IL1RAPL1: variants seen among roughly 807,000 people sequenced by gnomAD.
IL1RAPL1 encodes the protein interleukin-1 receptor accessory protein-like 1.
IL1RAPL1 carries 3 observed loss-of-function variants against 48.4 expected under a neutral mutation model. The ratio of observed to expected loss-of-function variants is 0.06; its 90% confidence interval spans 0.03 to 0.16. The LOEUF (loss-of-function observed/expected upper bound fraction) is 0.16. IL1RAPL1 is among the 10% of genes least tolerant of loss of function. IL1RAPL1 has a pLI of 1.00. For synonymous variants in IL1RAPL1, 185 were observed against 187.7 expected (o/e 0.99, Z 0.12); for missense variants, 349 against 530.6 (o/e 0.66, Z 3.36).
intron 5 of IL1RAPL1, among the ~76,000 whole-genome samples, chrX:29,562,078 ATCTAATCTATCTG>A (rs1341864298): frequency 1.1e-4 from 9 of 83,183 alleles, no homozygotes; most frequent in African/African-American, 4.5e-4. Flanking sequence ...CTATCTATCT[ATCTAATCTATCTG>A]TCTATCTATC....
chrX:29,162,912 A>G (rs1417327363), intron 2 of IL1RAPL1, among the ~76,000 whole-genome samples: 1 of 108,784 alleles, frequency 9.2e-6, no homozygotes, highest in Admixed American at 9.9e-5. Context: ...TATCTACTAA[A>G]AATACAAAAA....
At chrX:28,619,393 A>G (rs1178704571) in intron 1 of IL1RAPL1, among the ~76,000 whole-genome samples, 5 of 109,654 alleles carry the variant, frequency 4.6e-5, no homozygotes, top group African/African-American at 1.7e-4. Flanking sequence ...CCAGGAGTTC[A>G]AGACCAGCCT....
At chrX:29,066,137 C>A (rs1473948698) in intron 2 of IL1RAPL1, among the ~76,000 whole-genome samples, 1 of 111,895 alleles carries the variant, frequency 8.9e-6, no homozygotes. Context: ...ATTTTAGATA[C>A]TTTATTATAG....
intron 1 of IL1RAPL1, among the ~76,000 whole-genome samples, chrX:28,755,956 A>G (rs1288193514): frequency 9.0e-6 from 1 of 111,718 alleles, no homozygotes; most frequent in Non-Finnish European, 1.9e-5. Flanking sequence ...CTCCTACCCT[A>G]AGAACCACTG....
At chrX:28,883,113 A>G (rs6630788) in intron 2 of IL1RAPL1, among the ~76,000 whole-genome samples, 18,661 of 110,906 alleles carry the variant, frequency 0.17, 1,317 homozygotes, top group East Asian at 0.45. Flanking sequence ...TAAAATACCT[A>G]TAGAAAATAA....
At chrX:28,634,350 T>TAA (rs1181124674) in intron 1 of IL1RAPL1, among the ~76,000 whole-genome samples, 9 of 109,072 alleles carry the variant, frequency 8.3e-5, no homozygotes, top group South Asian at 3.8e-4. Flanking sequence ...TGTGTGTATA[T>TAA]GTATATATGT....
intron 3 of IL1RAPL1, among the ~76,000 whole-genome samples, chrX:29,330,153 G>A (rs1460720572): frequency 9.0e-6 from 1 of 111,630 alleles, no homozygotes; most frequent in Admixed American, 9.5e-5. Context: ...ACTTTAAATG[G>A]ATGAATGATA....
At chrX:29,433,753 ATTGAG>A (rs1347470192) in intron 5 of IL1RAPL1, among the ~76,000 whole-genome samples, 25 of 111,353 alleles carry the variant, frequency 2.2e-4, no homozygotes, top group African/African-American at 7.8e-4. Context: ...TAACTAATTC[ATTGAG>A]TTTTTAAGTA....
chrX:29,375,248 G>A (rs1368902870), intron 3 of IL1RAPL1, among the ~76,000 whole-genome samples: 1 of 96,849 alleles, frequency 1.0e-5, no homozygotes, highest in East Asian at 3.2e-4. Context: ...TGCAACCTCC[G>A]CCTCCCAGGT....
chrX:29,906,804 G>T (rs1280173068), intron 6 of IL1RAPL1, among the ~76,000 whole-genome samples: 1 of 109,468 alleles, frequency 9.1e-6, no homozygotes, highest in Non-Finnish European at 1.9e-5. Context: ...TCACCTGAGG[G>T]TGCTTGTTAA....
intron 1 of IL1RAPL1, among the ~76,000 whole-genome samples, chrX:28,772,134 A>T (rs904281582): frequency 1.8e-5 from 2 of 110,422 alleles, no homozygotes; most frequent in East Asian, 5.7e-4. Flanking sequence ...TAGATGAAAA[A>T]GAGAGGGATG....
intron 2 of IL1RAPL1, among the ~76,000 whole-genome samples, chrX:29,052,220 G>A (rs1927108936): frequency 9.0e-6 from 1 of 111,549 alleles, no homozygotes; most frequent in Non-Finnish European, 1.9e-5. Flanking sequence ...TTTTCTTGCA[G>A]TCTTCACTGT....
chrX:29,085,495 T>C (rs1036462586), intron 2 of IL1RAPL1, among the ~76,000 whole-genome samples: 6 of 111,978 alleles, frequency 5.4e-5, no homozygotes, highest in African/African-American at 1.9e-4. Context: ...ATGCTATTAT[T>C]GGTCCCATTT....
intron 1 of IL1RAPL1, among the ~76,000 whole-genome samples, chrX:28,776,324 G>A (rs1464671855): frequency 2.7e-5 from 3 of 111,628 alleles, no homozygotes; most frequent in African/African-American, 9.7e-5. Context: ...AAAACCATAT[G>A]CTAAGTACTG....
intron 3 of IL1RAPL1, among the ~76,000 whole-genome samples, chrX:29,320,017 G>T (rs1192231937): frequency 1.8e-5 from 2 of 111,878 alleles, no homozygotes; most frequent in African/African-American, 6.5e-5. Context: ...AGACAACAGG[G>T]GAGTCAGGGG....
rs376805298 is a variant in IL1RAPL1 at position 29,443,231 on chromosome X, G to GCTCTCTCTCTCTCTCTCTCT, written c.703+43932_703+43951dup. ...GGAACTGAAGTGTGTGCTCTCGCTTGCTCTCTCTCTCTCTCTCTCTCTCTC... is the reference window on the plus strand; with the variant it reads ...GGAACTGAAGTGTGTGCTCTCGCTTGCTCTCTCTCTCTCTCTCTCTCTCTCTCTCTCTCTCTCTCTCTCTC... On this transcript the variant is annotated intron_variant, in intron 5 of 10. Coordinates refer to ENST00000378993, the MANE Select transcript of IL1RAPL1 (RefSeq NM_014271.4). Among the ~76,000 whole-genome samples, 448 of 93,939 alleles carry GCTCTCTCTCTCTCTCTCTCT rather than the reference G, an allele frequency of 4.8e-3. 8 individuals are homozygous for GCTCTCTCTCTCTCTCTCTCT. The highest frequency in any genetic ancestry group is 0.03 in the Admixed American group (259 of 8,508). 81.6% of individuals were successfully genotyped at this position (93,939 alleles called of 115,157 possible). A position where few individuals can be genotyped will look rare whatever the true frequency, so the allele number is the denominator to read the frequency against.
chrX:29,589,354 G>T (rs1431066746), intron 5 of IL1RAPL1, among the ~76,000 whole-genome samples: 1 of 111,778 alleles, frequency 8.9e-6, no homozygotes, highest in African/African-American at 3.3e-5. Flanking sequence ...GTCAGTCACT[G>T]CTCTAGGTGC....
intron 2 of IL1RAPL1, among the ~76,000 whole-genome samples, chrX:29,052,605 A>C (rs1927118343): frequency 9.7e-6 from 1 of 103,489 alleles, no homozygotes. Context: ...CCACCACTCT[A>C]CTCTTATCTT....
At chrX:29,362,185 C>A (rs1933385673) in intron 3 of IL1RAPL1, among the ~76,000 whole-genome samples, 1 of 112,042 alleles carries the variant, frequency 8.9e-6, no homozygotes, top group Admixed American at 9.5e-5. Flanking sequence ...ATTTGAAAGC[C>A]AAGCTAGGGT....
Sources: gnomAD v4.1 joint callset for allele counts (sites outside exome capture counted in the v4.1 genomes callset) on GRCh38, gnomAD v4.1.1 for gene constraint, MANE v1.5 for transcripts, NCBI Gene and HGNC (gene_info 2026-07-23, HGNC 2026-07-21) for gene names.